The following RNF213 variants were observed in gnomAD, a reference collection of about 807,000 sequenced individuals.
RNF213 encodes the protein ring finger protein 213, also known as E3 ubiquitin-protein ligase RNF213.
A neutral mutation model predicts 514.4 loss-of-function variants in RNF213; 341 were observed. The ratio of observed to expected loss-of-function variants is 0.66; its 90% CI spans 0.61 to 0.73. The LOEUF is 0.73. RNF213 is among the 30% of genes least tolerant of loss of function. The pLI is 0.00. For synonymous variants in RNF213, 2,655 were observed against 2,658.2 expected, an observed-to-expected ratio of 1.00 and a Z score of 0.04; for missense variants, 5,767 against 6,615.6, an observed-to-expected ratio of 0.87 and a Z score of 4.45.
At chr17:80,363,425 C>A in intron 40 of RNF213, 111 bp downstream of exon 40, 1 of 1,244,716 alleles carries the variant, frequency 8.0e-7, no homozygotes, top group Non-Finnish European at 1.2e-6. Flanking sequence ...CTTCACAAGG[C>A]ACATACCTTA....
At chr17:80,262,086 C>G (rs573826812) in intron 1 of RNF213, among the ~76,000 whole-genome samples, 14 of 152,180 alleles carry the variant, frequency 9.2e-5, no homozygotes, top group African/African-American at 3.4e-4. Context: ...GAAGGAAACA[C>G]TTCGGGTGGA....
intron 8 of RNF213, chr17:80,292,140 AG>A: frequency 2.4e-6 from 1 of 416,460 alleles, no homozygotes; most frequent in Non-Finnish European, 4.5e-6. Context: ...GCTGGAGTAC[AG>A]TGGTGCGATC....
chr17:80,290,433 GTGTGTGCA>G lies in RNF213; in HGVS notation c.1113-130_1113-123del, dbSNP rs1291147158. ...TGTGTGCGTGTGTGCGAGTGTGCGCGTGTGTGCATGTGTGTGTGCGAGTGCATGTGTGT... is the reference window on the plus strand; with the variant it reads ...TGTGTGCGTGTGTGCGAGTGTGCGCGTGTGTGTGTGCGAGTGCATGTGTGT... On this transcript the variant is annotated intron_variant, in intron 6 of 67. Coordinates refer to ENST00000582970, the MANE Select transcript of RNF213 (RefSeq NM_001256071.3). 30 of 1,017,162 alleles carry G rather than the reference GTGTGTGCA, an allele frequency of 2.9e-5. No individual in the cohort carries two copies. The East Asian group carries it at 7.3e-4, about 25-fold the overall frequency. 63.0% of individuals were successfully genotyped at this position (1,017,162 alleles called of 1,614,324 possible). A position where few individuals can be genotyped will look rare whatever the true frequency, so the allele number is the denominator to read the frequency against.
intron 14 of RNF213, among the ~76,000 whole-genome samples, chr17:80,312,756 C>T (rs1283304104): frequency 3.3e-5 from 5 of 152,150 alleles, no homozygotes; most frequent in South Asian, 2.1e-4. Context: ...CCTGGGCTTT[C>T]GGGGGAGCAC....
chr17:80,361,863 G>C lies in RNF213; in HGVS notation c.11330G>C (p.Arg3777Pro). 1.2e-6 allele frequency: 2 copies of C among 1,613,422 alleles called. No individual in the cohort carries two copies. Among genetic ancestry groups the C allele is most frequent in the Non-Finnish European group, 1.7e-6 (2 of 1,179,528 alleles). ...YLKDFILLTM[R>P]VSTEEELKFL... ...AAGGATTTCATTCTCTTGACCATGC[G>C]TGTGTCAACGGAGGAGGAATTAAAG... The change falls in exon 39 of 68, where the codon CGT (arginine) becomes CCT (proline). Residue 3777 changes from arginine (R) to proline (P), a missense_variant. Physicochemically the swap from Arg to Pro is moderately radical, Grantham distance 103. Coordinates refer to ENST00000582970, the MANE Select transcript of RNF213 (RefSeq NM_001256071.3).
At position 80,353,172 on chromosome 17, in the gene RNF213, G is replaced by A. The variant is rs1034575415; in HGVS notation, c.10423+113G>A. Reference sequence around the variant, plus strand: ...GCAGGGCCACCGTGTTTCGTCCCTCGGCAGGAGCTCGGGGACACATCTGCA... The same window carrying A: ...GCAGGGCCACCGTGTTTCGTCCCTCAGCAGGAGCTCGGGGACACATCTGCA... On this transcript the variant is annotated intron_variant, in intron 33 of 67. Coordinates refer to ENST00000582970, the MANE Select transcript of RNF213 (RefSeq NM_001256071.3). This position sits in a 1 kb window ranked among gnomAD's most constrained non-coding sequence, Gnocchi z 5.0. The A allele has an allele frequency of 1.5e-5, 21 of 1,447,020 alleles. No homozygotes were observed. In the South Asian group the frequency reaches 2.0e-4, roughly 14 times the overall value. 89.6% of individuals were successfully genotyped at this position (1,447,020 alleles called of 1,614,324 possible).
intron 10 of RNF213, 35 bp downstream of exon 10, chr17:80,295,848 C>G: frequency 6.2e-7 from 1 of 1,609,478 alleles, no homozygotes. Context: ...TTTTTTATAG[C>G]TATTATAATG....
chr17:80,308,726 TA>T (rs373392176), intron 13 of RNF213, among the ~76,000 whole-genome samples: 1 of 152,250 alleles, frequency 6.6e-6, no homozygotes, highest in African/African-American at 2.4e-5. Context: ...TAATGTCTAG[TA>T]ATAAACATCC....
At chr17:80,306,556 A>G (rs2045365385) in intron 12 of RNF213, 88 bp downstream of exon 12, 2 of 1,367,752 alleles carry the variant, frequency 1.5e-6, no homozygotes, top group Admixed American at 1.9e-5. Context: ...TCTTATTCCT[A>G]AAAAACAGAC....
intron 14 of RNF213, 29 bp downstream of exon 14, chr17:80,309,200 C>T: frequency 6.2e-7 from 1 of 1,613,862 alleles, no homozygotes; most frequent in Admixed American, 1.7e-5. Context: ...CAAGGTATCA[C>T]ACCCGGGATA....
chr17:80,318,492 A>T (rs1045069825), intron 16 of RNF213, among the ~76,000 whole-genome samples: 2 of 152,234 alleles, frequency 1.3e-5, no homozygotes, highest in African/African-American at 2.4e-5. Flanking sequence ...CAAGTGGAGA[A>T]CACACAGACA....
chr17:80,346,961 C>T lies in RNF213; in HGVS notation c.8626C>T (p.His2876Tyr), dbSNP rs369984023. ...ATGCATTGAAGACGATCCCGCCCCC[C>T]ACAAAAAGGTCGGCTTCGTGGGCAT... ...DGCIEDDPAP[H>Y]KKVGFVGISN... is the part of the protein sequence containing the mutation. The change falls in exon 29 of 68, where the codon CAC becomes TAC. Residue 2876 changes from histidine to tyrosine, a missense_variant. His to Tyr is a moderately conservative substitution (Grantham distance 83, BLOSUM62 2). This residue lies in a region of RNF213 where 919 missense variants were observed against 1,121.0 expected (regional missense o/e 0.82). Transcript: ENST00000582970. This position sits in a 1 kb window ranked among gnomAD's most constrained non-coding sequence, Gnocchi z 8.1. The T allele has an allele frequency of 1.9e-5, 31 of 1,613,798 alleles. No homozygotes were observed. The highest frequency in any genetic ancestry group is 2.5e-5 in the Non-Finnish European group (30 of 1,179,896).
Position 80,263,798 on chromosome 17 carries a change from G to A in RNF213, c.97+20G>A, listed in dbSNP as rs1250475935. ...TAGCAGGTGAGGCCCAGGGGTGCTG[G>A]TGGAGGCTGGGGCAGTGGGGACCCC... is the stretch of plus-strand genomic sequence containing the variant. On this transcript the variant is annotated intron_variant, in intron 2 of 67. Transcript: ENST00000582970. The surrounding 1 kb of genome is among the most constrained non-coding windows in gnomAD (Gnocchi z 4.9). The A allele has an allele frequency of 6.2e-7, 1 of 1,609,254 alleles. No individual in the cohort carries two copies. Among genetic ancestry groups the A allele is most frequent in the Non-Finnish European group, 8.5e-7 (1 of 1,175,672 alleles).
At chr17:80,358,181 A>G in intron 36 of RNF213, 107 bp from the exon 37 acceptor site, 1 of 863,120 alleles carries the variant, frequency 1.2e-6, no homozygotes. Flanking sequence ...TAAATAGTAG[A>G]CTAGTTGTTT....
rs929119452 is a variant in RNF213, at chr17:80,354,093, C to A, written c.10653C>A (p.Asn3551Lys). Residue 3551 changes from asparagine (N) to lysine (K), a missense_variant, in exon 35 of 68, where the codon AAC becomes AAA. By Grantham distance (94) the Asn-to-Lys change is moderately conservative. Around this residue, in one of 13 missense-constraint regions of RNF213, gnomAD observed 919 missense variants for 1,121.0 expected, o/e 0.82. Coordinates refer to ENST00000582970, the MANE Select transcript of RNF213 (RefSeq NM_001256071.3). The stretch of plus-strand genomic sequence containing the variant: ...CCGTGGGCATGCTCAGAGACCAGAA[C>A]GAGAGCTGCACGCGCAATATGCGGA... ...QSAVGMLRDQNESCTRNMRRV... is the reference protein window; with the variant it reads ...QSAVGMLRDQKESCTRNMRRV... 15 of 1,613,982 alleles carry A rather than the reference C, an allele frequency of 9.3e-6. No homozygotes were observed. Among genetic ancestry groups the A allele is most frequent in the African/African-American group, 1.3e-5 (1 of 74,950 alleles).
intron 42 of RNF213, among the ~76,000 whole-genome samples, chr17:80,367,449 A>G (rs955306085): frequency 2.6e-5 from 4 of 152,258 alleles, no homozygotes; most frequent in African/African-American, 9.6e-5. Flanking sequence ...TGGGGGGTAT[A>G]CAGATGGTCA....
intron 49 of RNF213, 124 bp from the exon 50 acceptor site, chr17:80,374,334 G>T: frequency 7.7e-7 from 1 of 1,290,976 alleles, no homozygotes; most frequent in Non-Finnish European, 1.1e-6. Flanking sequence ...GCCAGGTCAG[G>T]GAATCCCAGC....
At chr17:80,384,893 T>C (rs1197241731) in intron 59 of RNF213, 146 bp from the exon 60 acceptor site, 2 of 873,472 alleles carry the variant, frequency 2.3e-6, no homozygotes, top group Non-Finnish European at 3.7e-6. Context: ...TTTTCCCGTT[T>C]TCAAGCTCCA....
At chr17:80,289,055 C>T (rs867922542) in intron 5 of RNF213, among the ~76,000 whole-genome samples, 11 of 152,238 alleles carry the variant, frequency 7.2e-5, no homozygotes, top group Middle Eastern at 6.8e-3. Flanking sequence ...GGATGGTCCC[C>T]GGAGGTGTCT....
Sources: gnomAD v4.1 joint callset for allele counts (sites outside exome capture counted in the v4.1 genomes callset) on GRCh38, gnomAD v4.1.1 for gene constraint, gnomAD v4.1.1 regional missense constraint, Gnocchi (gnomAD v3.1) non-coding constraint, MANE v1.5 for transcripts, NCBI Gene and HGNC (gene_info 2026-07-23, HGNC 2026-07-21) for gene names.